Variants in INSC observed in about 807,000 individuals in gnomAD.
INSC encodes protein inscuteable homolog.
In INSC, 67 loss-of-function variants were observed where a neutral mutation model predicts 58.6. The ratio of observed to expected loss-of-function variants is 1.14; its 90% CI spans 0.94 to 1.40. INSC has a LOEUF of 1.40. Among genes scored for constraint, INSC ranks in the 40% most tolerant of loss-of-function variants. INSC has a pLI of 0.00. For missense variants in INSC, 714 were observed against 692.0 expected, an observed-to-expected ratio of 1.03 and a Z score of -0.36; for synonymous variants, 262 against 276.1, an observed-to-expected ratio of 0.95 and a Z score of 0.51.
chr11:15,138,002 G>C (rs1278243429), intron 1 of INSC, among the ~76,000 whole-genome samples: 1 of 152,146 alleles, frequency 6.6e-6, no homozygotes, highest in Non-Finnish European at 1.5e-5. Flanking sequence ...TGAACATTTA[G>C]AGGGCATTGT....
At chr11:15,265,453 A>T in the INSC span, among the ~76,000 whole-genome samples, 1 of 152,038 alleles carries the variant, frequency 6.6e-6, no homozygotes, top group East Asian at 1.9e-4. Flanking sequence ...AGATTTTTAG[A>T]AGTACCAATT....
intron 2 of INSC, among the ~76,000 whole-genome samples, chr11:15,172,121 G>A (rs1849421657): frequency 6.6e-6 from 1 of 152,158 alleles, no homozygotes; most frequent in Non-Finnish European, 1.5e-5. Flanking sequence ...AAAAGATGCT[G>A]GAAAGATAAT....
In INSC at chr11:15,225,839, C is replaced by T; in HGVS notation, c.1170+11C>T. The T allele has an allele frequency of 6.2e-7, 1 of 1,608,916 alleles. No homozygotes were observed. Among genetic ancestry groups the T allele is most frequent in the South Asian group, 1.1e-5 (1 of 90,018 alleles). ...TACACTCGGGACCAGGTAAGACGCC[C>T]AGAAGGCACTGAGCACAGGGCCCAT... On this transcript the variant is annotated intron_variant, in intron 9 of 12. Coordinates refer to ENST00000379556, the MANE Select transcript of INSC (RefSeq NM_001042536.3).
chr11:15,222,151 C>T (rs16931249), intron 8 of INSC, among the ~76,000 whole-genome samples: 24 of 152,178 alleles, frequency 1.6e-4, no homozygotes, highest in Non-Finnish European at 3.2e-4. Flanking sequence ...GCATTGACTC[C>T]TCTAGGTTCC....
At position 15,235,609 on chromosome 11, in the gene INSC, C is replaced by T. The variant is rs1323599917; in HGVS notation, c.1178C>T (p.Thr393Ile). 1 of 1,613,468 alleles carries T rather than the reference C, an allele frequency of 6.2e-7. No individual in the cohort carries two copies. Among genetic ancestry groups the T allele is most frequent in the Admixed American group, 1.7e-5 (1 of 60,010 alleles). The change falls in exon 10 of 13, where the codon ACC becomes ATC. Residue 393 changes from threonine (T) to isoleucine (I), a missense_variant. Coordinates refer to ENST00000379556, the MANE Select transcript of INSC (RefSeq NM_001042536.3). Reference sequence around the variant, plus strand: ...CTAAATTATCTTTTCCAGATTGTGACCATCTTGGCAAACATGTCTGTCCTA... The same window carrying T: ...CTAAATTATCTTTTCCAGATTGTGATCATCTTGGCAAACATGTCTGTCCTA... ...DTPYTRDQIV[T>I]ILANMSVLEQ...
intron 10 of INSC, 60 bp from the exon 11 acceptor site, chr11:15,238,859 G>A: frequency 6.4e-7 from 1 of 1,555,078 alleles, no homozygotes. Context: ...TGTCCAGCTG[G>A]CCCCATGGGG....
At chr11:15,207,413 G>A (rs1483241499) in intron 7 of INSC, among the ~76,000 whole-genome samples, 1 of 152,162 alleles carries the variant, frequency 6.6e-6, no homozygotes. Context: ...AGAGCGGGGA[G>A]GACGGCTCAA....
chr11:15,127,982 G>A (rs1848038656), intron 1 of INSC, among the ~76,000 whole-genome samples: 1 of 151,656 alleles, frequency 6.6e-6, no homozygotes. Flanking sequence ...GTGACAGGGC[G>A]AGACTCCATC....
upstream of INSC, chr11:15,112,501 C>A: frequency 6.2e-7 from 1 of 1,611,934 alleles, no homozygotes; most frequent in Non-Finnish European, 8.5e-7. Context: ...GGAGAGGCGG[C>A]CAGCGAAGGT....
chr11:15,143,500 G>T (rs533931302), intron 1 of INSC, among the ~76,000 whole-genome samples: 5 of 152,308 alleles, frequency 3.3e-5, no homozygotes, highest in Admixed American at 2.0e-4. Flanking sequence ...CAAGAAGGGT[G>T]GTCAGACAGG....
intron 7 of INSC, among the ~76,000 whole-genome samples, chr11:15,220,503 G>A (rs1024184496): frequency 2.0e-5 from 3 of 152,298 alleles, no homozygotes; most frequent in Admixed American, 1.3e-4. Context: ...TTAGGAGGCA[G>A]CATCACATCC....
At chr11:15,257,700 A>T in the INSC span, among the ~76,000 whole-genome samples, 1 of 152,180 alleles carries the variant, frequency 6.6e-6, no homozygotes. Context: ...AGATTTGGAC[A>T]TAGAGACACA....
chr11:15,187,351 G>T (rs1188414769), intron 5 of INSC, among the ~76,000 whole-genome samples: 1 of 151,570 alleles, frequency 6.6e-6, no homozygotes, highest in Admixed American at 6.6e-5. Flanking sequence ...AAAAGAAGTA[G>T]AAAAGAATTT....
chr11:15,138,855 G>C (rs1321973344), intron 1 of INSC, among the ~76,000 whole-genome samples: 1 of 152,142 alleles, frequency 6.6e-6, no homozygotes, highest in Non-Finnish European at 1.5e-5. Flanking sequence ...AGAGGCCTTA[G>C]TAAGAGGCAA....
At chr11:15,251,882 A>G (rs966632338), downstream of INSC, among the ~76,000 whole-genome samples, 6 of 152,212 alleles carry the variant, frequency 3.9e-5, no homozygotes, top group African/African-American at 9.6e-5. Context: ...CACTCATGGT[A>G]TATGTTCAAA....
chr11:15,200,205 G>A (rs1269955641), intron 6 of INSC, among the ~76,000 whole-genome samples: 5 of 151,244 alleles, frequency 3.3e-5, no homozygotes, highest in East Asian at 3.9e-4. Context: ...AGGAGTAAAC[G>A]AGTGAAAATG....
In INSC at chr11:15,114,994, C is replaced by T; in HGVS notation, c.-55C>T. On this transcript the variant is annotated 5_prime_UTR_variant, in exon 1 of 13. Coordinates refer to ENST00000379556, the MANE Select transcript of INSC (RefSeq NM_001042536.3). The stretch of plus-strand genomic sequence containing the variant: ...GGCCGCTCGCACTACCAGCCTGTCT[C>T]GCACGCTAAGTAAGTAGACAGCTCC... The T allele has an allele frequency of 1.0e-6, 1 of 985,462 alleles. No homozygotes were observed. The highest frequency in any genetic ancestry group is 4.7e-5 in the South Asian group (1 of 21,290). 61.0% of individuals were successfully genotyped at this position (985,462 alleles called of 1,614,324 possible). A position where few individuals can be genotyped will look rare whatever the true frequency, so the allele number is the denominator to read the frequency against.
intron 7 of INSC, among the ~76,000 whole-genome samples, chr11:15,216,201 T>C (rs183749992): frequency 8.5e-4 from 129 of 152,058 alleles, no homozygotes; most frequent in African/African-American, 2.8e-3. Flanking sequence ...TAAAAAGTGG[T>C]GAGCTAGGGA....
At chr11:15,263,269 GGAGA>G in the INSC span, among the ~76,000 whole-genome samples, 13 of 152,192 alleles carry the variant, frequency 8.5e-5, no homozygotes, top group African/African-American at 2.9e-4. Context: ...CAGAAGAGGA[GGAGA>G]GAATCAGGCA....
Sources: gnomAD v4.1 joint callset for allele counts (sites outside exome capture counted in the v4.1 genomes callset) on GRCh38, gnomAD v4.1.1 for gene constraint, MANE v1.5 for transcripts, NCBI Gene and HGNC (gene_info 2026-07-23, HGNC 2026-07-21) for gene names.